Variants in ATP6V0A4 observed in about 807,000 individuals in gnomAD.
ATP6V0A4 encodes the protein V-type proton ATPase 116 kDa subunit a 4.
A neutral mutation model predicts 107.3 loss-of-function variants in ATP6V0A4; 86 were observed. The observed-to-expected ratio is 0.80, with a 90% CI of 0.67 to 0.96. The LOEUF (loss-of-function observed/expected upper bound fraction) is 0.96, where lower values mean the gene tolerates loss of function less well. Ranked by LOEUF, ATP6V0A4 falls within the 40% of genes least tolerant of loss-of-function variation. The pLI, the probability that ATP6V0A4 is intolerant of heterozygous loss-of-function variation, is 0.00. For missense variants in ATP6V0A4, 908 were observed against 1,045.6 expected (o/e 0.87, Z 1.81); for synonymous variants, 353 against 381.4 (o/e 0.93, Z 0.87).
Position 138,775,841 on chromosome 7 carries a change from G to C in ATP6V0A4, c.-17-4577C>G, listed in dbSNP as rs966407424. On this transcript the variant is annotated intron_variant, in intron 2 of 21. Coordinates refer to ENST00000310018, the MANE Select transcript of ATP6V0A4 (RefSeq NM_020632.3). ...AATTTTTTGTATTTTTAGTAGAGACGGGGTTTCACCGGGTTAGCCAGGATG... is the reference window on the plus strand; with the variant it reads ...AATTTTTTGTATTTTTAGTAGAGACCGGGTTTCACCGGGTTAGCCAGGATG... Among the ~76,000 whole-genome samples, 3 of 151,622 alleles carry C rather than the reference G, an allele frequency of 2.0e-5. No individual in the cohort carries two copies. The Admixed American group carries it at 2.0e-4, about 10-fold the overall frequency.
intron 15 of ATP6V0A4, 52 bp downstream of exon 15, chr7:138,739,488 C>G: frequency 6.3e-7 from 1 of 1,598,980 alleles, no homozygotes; most frequent in Non-Finnish European, 8.6e-7. Flanking sequence ...CTCCAGAGGT[C>G]TCCTCAAGAT....
intron 19 of ATP6V0A4, among the ~76,000 whole-genome samples, chr7:138,720,827 G>A (rs1473747914): frequency 6.6e-6 from 1 of 152,096 alleles, no homozygotes; most frequent in Non-Finnish European, 1.5e-5. Flanking sequence ...AGTAGAGACA[G>A]GGTTTCACCA....
rs751987249 is a variant in ATP6V0A4 at position 138,769,193 on chromosome 7, T to G, written c.176A>C (p.Glu59Ala). ...RKFVNEVRRC[E>A]SLERILRFLE... The stretch of plus-strand genomic sequence containing the variant: ...CTTACGGAGGATTCTCTCCAGTGAT[T>G]CACACCTTCTGACTTCATTCACAAA... Residue 59 changes from glutamate (E) to alanine (A), a missense_variant, in exon 4 of 22, where the codon GAA becomes GCA. Coordinates refer to ENST00000310018, the MANE Select transcript of ATP6V0A4 (RefSeq NM_020632.3). 2 of 1,611,822 alleles carry G rather than the reference T, an allele frequency of 1.2e-6. No individual in the cohort carries two copies. The highest frequency in any genetic ancestry group is 2.2e-5 in the East Asian group (1 of 44,888).
intron 5 of ATP6V0A4, among the ~76,000 whole-genome samples, chr7:138,767,590 T>C (rs2117328720): frequency 6.6e-6 from 1 of 150,922 alleles, no homozygotes; most frequent in Middle Eastern, 3.4e-3. Context: ...TATGTGAGTA[T>C]CAAGATTTAT....
In ATP6V0A4 at chr7:138,709,757, C is replaced by T. The variant is rs190792699; in HGVS notation, c.2296G>A (p.Gly766Ser). Residue 766 changes from glycine (G) to serine (S), a missense_variant, in exon 21 of 22, where the codon GGC becomes AGC. By Grantham distance (56) the Gly-to-Ser change is moderately conservative. Coordinates refer to ENST00000310018, the MANE Select transcript of ATP6V0A4 (RefSeq NM_020632.3). ...EVLWTMVMNS[G>S]LQTRGWGGIV... is the part of the protein sequence containing the mutation. ...CCTCCCCAGCCTCGCGTCTGAAGGC[C>T]GCTGTTCATCACCATAGTCCAGAGC... The T allele has an allele frequency of 2.5e-5, 41 of 1,614,046 alleles. No homozygotes were observed. In the Admixed American group the frequency reaches 4.3e-4, roughly 17 times the overall value.
chr7:138,760,988 T>C (rs1226206280), intron 7 of ATP6V0A4, among the ~76,000 whole-genome samples: 1 of 152,158 alleles, frequency 6.6e-6, no homozygotes, highest in Admixed American at 6.6e-5. Flanking sequence ...TAAAATTTTT[T>C]TTTTTGTAGA....
chr7:138,732,836 T>C (rs1392581870), intron 17 of ATP6V0A4, 41 bp downstream of exon 17: 17 of 1,455,042 alleles, frequency 1.2e-5, no homozygotes, highest in Non-Finnish European at 1.4e-5. Context: ...CATAATCAAG[T>C]AAATAAAAGA....
intron 18 of ATP6V0A4, 137 bp from the exon 19 acceptor site, chr7:138,722,162 G>A: frequency 7.0e-7 from 1 of 1,421,550 alleles, no homozygotes; most frequent in Non-Finnish European, 9.6e-7. Context: ...ATCTCATTAA[G>A]CCCTCACAAC....
rs78419825 is a variant in ATP6V0A4 at position 138,706,551 on chromosome 7, G to A, written c.*73C>T. 2.0e-3 allele frequency: 3,159 copies of A among 1,562,486 alleles called. 56 individuals are homozygous for A. In the South Asian group the frequency reaches 0.023, roughly 11 times the overall value. ...AACCTTCCCATTGAGCGCCTTGCAG[G>A]GGCTGATATCAAAGACAAGACTGAA... On this transcript the variant is annotated 3_prime_UTR_variant, in exon 22 of 22. Coordinates refer to ENST00000310018, the MANE Select transcript of ATP6V0A4 (RefSeq NM_020632.3).
At position 138,771,141 on chromosome 7, in the gene ATP6V0A4, T is replaced by A. The variant is rs779291979; in HGVS notation, c.107A>T (p.Gln36Leu). 6.2e-7 allele frequency: 1 copy of A among 1,614,148 alleles called. No individual in the cohort carries two copies. Among genetic ancestry groups the A allele is most frequent in the Non-Finnish European group, 8.5e-7 (1 of 1,180,010 alleles). The change falls in exon 3 of 22, where the codon CAG (glutamine) becomes CTG (leucine). Residue 36 changes from glutamine to leucine, a missense_variant. By Grantham distance (113) the Gln-to-Leu change is moderately radical. Transcript: ENST00000310018. ...GAACTCAGTACCTACATCTTTGAAC[T>A]GAACCAATCCGAGCTCTCCGAGCTC... ...VAELGELGLV[Q>L]FKDLNMNVNS...
intron 14 of ATP6V0A4, 37 bp downstream of exon 14, chr7:138,745,086 T>A (rs780991937): frequency 6.4e-7 from 1 of 1,568,482 alleles, no homozygotes. Flanking sequence ...GCCACCTGGA[T>A]GGCCAGCGAC....
intron 18 of ATP6V0A4, among the ~76,000 whole-genome samples, chr7:138,724,102 A>T (rs1241008399): frequency 6.8e-6 from 1 of 147,760 alleles, no homozygotes; most frequent in Non-Finnish European, 1.5e-5. Context: ...GGACAGGAGG[A>T]TCTCTTGAGC....
chr7:138,798,105 A>C lies in ATP6V0A4; in HGVS notation c.-192T>G. 1 of 1,596,684 alleles carries C rather than the reference A, an allele frequency of 6.3e-7. No homozygotes were observed. The highest frequency in any genetic ancestry group is 2.3e-5 in the East Asian group (1 of 44,018). ...CCGGGCACTCAGCACAGCCTCCAGC[A>C]TGCAGCGCCTCCCCGCTGCCACCCG... On this transcript the variant is annotated 5_prime_UTR_variant, in exon 1 of 22. It removes an upstream start codon present in the reference 5' UTR. Coordinates refer to ENST00000310018, the MANE Select transcript of ATP6V0A4 (RefSeq NM_020632.3).
At chr7:138,790,852 C>T (rs1324611652) in intron 1 of ATP6V0A4, among the ~76,000 whole-genome samples, 2 of 151,996 alleles carry the variant, frequency 1.3e-5, no homozygotes, top group Admixed American at 6.6e-5. Flanking sequence ...CCCAAGCACT[C>T]GATTAAAGCA....
At chr7:138,746,003 AAT>A (rs200720531) in intron 13 of ATP6V0A4, among the ~76,000 whole-genome samples, 5,478 of 42,906 alleles carry the variant, frequency 0.13, 509 homozygotes, top group African/African-American at 0.24. Context: ...AAATATAAAT[AAT>A]ATATATATTT....
rs550036710 is a variant in ATP6V0A4 at position 138,706,405 on chromosome 7, T to C, written c.*219A>G. 18 of 567,782 alleles carry C rather than the reference T, an allele frequency of 3.2e-5. No individual in the cohort carries two copies. The East Asian group carries it at 5.5e-4, about 17-fold the overall frequency. 35.2% of individuals were successfully genotyped at this position (567,782 alleles called of 1,614,324 possible). A position where few individuals can be genotyped will look rare whatever the true frequency, so the allele number is the denominator to read the frequency against. ...AATTACTTTATTATTTGAGAATTAA[T>C]ACCCCACATGAAGACAATATCACTT... is the stretch of plus-strand genomic sequence containing the variant. On this transcript the variant is annotated 3_prime_UTR_variant, in exon 22 of 22. Coordinates refer to ENST00000310018, the MANE Select transcript of ATP6V0A4 (RefSeq NM_020632.3).
At chr7:138,748,881 G>A (rs1806086752) in intron 12 of ATP6V0A4, among the ~76,000 whole-genome samples, 1 of 152,172 alleles carries the variant, frequency 6.6e-6, no homozygotes, top group Non-Finnish European at 1.5e-5. Context: ...GACTTCGGCT[G>A]CCTGATGAGG....
chr7:138,752,922 C>G (rs890901423), intron 10 of ATP6V0A4, 85 bp from the exon 11 acceptor site: 1 of 1,566,592 alleles, frequency 6.4e-7, no homozygotes, highest in Non-Finnish European at 8.6e-7. Flanking sequence ...TCACAGGCCA[C>G]AGCAGCTTCC....
At chr7:138,748,953 A>T (rs760993173) in intron 12 of ATP6V0A4, among the ~76,000 whole-genome samples, 1 of 152,222 alleles carries the variant, frequency 6.6e-6, no homozygotes, top group African/African-American at 2.4e-5. Context: ...CGGCATTTAT[A>T]GACGACACCA....
Sources: gnomAD v4.1 joint callset for allele counts (sites outside exome capture counted in the v4.1 genomes callset) on GRCh38, gnomAD v4.1.1 for gene constraint, MANE v1.5 for transcripts, NCBI Gene and HGNC (gene_info 2026-07-23, HGNC 2026-07-21) for gene names.